RPS6KC1: variants seen among roughly 807,000 people sequenced by gnomAD.
RPS6KC1 encodes ribosomal protein S6 kinase C1.
In RPS6KC1, 54 loss-of-function variants were observed where a neutral mutation model predicts 103.8. The observed-to-expected ratio is 0.52, with a 90% CI of 0.42 to 0.65. The LOEUF is 0.65. Among genes scored for constraint, RPS6KC1 ranks in the 30% least tolerant of loss-of-function variants. RPS6KC1 has a pLI of 0.00. For missense variants in RPS6KC1, 1,151 were observed against 1,253.8 expected (o/e 0.92, Z 1.24); for synonymous variants, 439 against 438.7 (o/e 1.00, Z -0.01).
At chr1:213,815,421 C>T in the RPS6KC1 span, among the ~76,000 whole-genome samples, 7 of 152,052 alleles carry the variant, frequency 4.6e-5, no homozygotes, top group Admixed American at 2.6e-4. Flanking sequence ...AGTTATGCAC[C>T]CCAAGTTGTA....
At chr1:213,599,517 A>G in the RPS6KC1 span, among the ~76,000 whole-genome samples, 1 of 151,940 alleles carries the variant, frequency 6.6e-6, no homozygotes, top group African/African-American at 2.4e-5. Flanking sequence ...CATATTTCCA[A>G]ACAGTGGGGG....
chr1:213,581,552 G>A, the RPS6KC1 span, among the ~76,000 whole-genome samples: 1 of 152,066 alleles, frequency 6.6e-6, no homozygotes, highest in Non-Finnish European at 1.5e-5. Context: ...AGCTGCAGTT[G>A]TTACCCATTG....
chr1:213,287,878 ATAAT>A, the RPS6KC1 span, among the ~76,000 whole-genome samples: 3 of 152,346 alleles, frequency 2.0e-5, no homozygotes, highest in African/African-American at 2.4e-5. Flanking sequence ...TTGATTGACC[ATAAT>A]TAATTAGATT....
chr1:213,543,539 G>A, the RPS6KC1 span, among the ~76,000 whole-genome samples: 1 of 152,120 alleles, frequency 6.6e-6, no homozygotes, highest in Non-Finnish European at 1.5e-5. Context: ...GGGGTTAGGA[G>A]GATCCTTAGA....
chr1:213,852,716 C>T, the RPS6KC1 span, among the ~76,000 whole-genome samples: 4 of 152,164 alleles, frequency 2.6e-5, no homozygotes, highest in Non-Finnish European at 5.9e-5. Context: ...ATAATCGTAG[C>T]TCCCAATGAA....
chr1:213,242,132 T>G lies in RPS6KC1; in HGVS notation c.2656T>G (p.Phe886Val). The change falls in exon 11 of 15, where the codon TTT becomes GTT. Residue 886 changes from phenylalanine (F) to valine (V), a missense_variant. Transcript: ENST00000366960. ...LEGDKEIHQI[F>V]EDLDKKLALA... ...AGGAGACAAGGAAATACATCAGATT[T>G]TTGAGGACCTTGATAAAAAATTAGC... 1 of 1,613,740 alleles carries G rather than the reference T, an allele frequency of 6.2e-7. No homozygotes were observed. Among genetic ancestry groups the G allele is most frequent in the Non-Finnish European group, 8.5e-7 (1 of 1,179,778 alleles).
Position 213,129,610 on chromosome 1 carries a change from C to G in RPS6KC1, c.556C>G (p.Gln186Glu). ...GTTAGATGATGGAATGGCTTCCAAT[C>G]AAAATTCTCCCATTAGAACTTTTGG... Reference protein sequence around the residue: ...AELDDGMASNQNSPIRTFGLN... With the variant: ...AELDDGMASNENSPIRTFGLN... Residue 186 changes from glutamine (Q) to glutamate (E), a missense_variant, in exon 6 of 15, where the codon CAA becomes GAA. Physicochemically the swap from Gln to Glu is conservative, Grantham distance 29 (BLOSUM62 2). Around this residue, in one of 3 missense-constraint regions of RPS6KC1, gnomAD observed 959 missense variants for 1,006.3 expected, o/e 0.95. Coordinates refer to ENST00000366960, the MANE Select transcript of RPS6KC1 (RefSeq NM_012424.6). 1 of 1,613,960 alleles carries G rather than the reference C, an allele frequency of 6.2e-7. No individual in the cohort carries two copies.
the RPS6KC1 span, among the ~76,000 whole-genome samples, chr1:213,579,869 T>C: frequency 6.6e-6 from 1 of 152,084 alleles, no homozygotes; most frequent in Non-Finnish European, 1.5e-5. Flanking sequence ...CTGCTGAGAA[T>C]AAAAGATACC....
intron 6 of RPS6KC1, among the ~76,000 whole-genome samples, chr1:213,162,108 C>T (rs2090528168): frequency 6.6e-6 from 1 of 152,088 alleles, no homozygotes; most frequent in Non-Finnish European, 1.5e-5. Flanking sequence ...TTGGCTCTTT[C>T]TTTTTCGTTT....
At chr1:213,755,574 C>T in the RPS6KC1 span, among the ~76,000 whole-genome samples, 1 of 152,210 alleles carries the variant, frequency 6.6e-6, no homozygotes, top group East Asian at 1.9e-4. Flanking sequence ...TGCACTTTCA[C>T]TGGTCTCTGT....
At chr1:213,116,576 T>C (rs1435501471) in intron 4 of RPS6KC1, among the ~76,000 whole-genome samples, 3 of 149,356 alleles carry the variant, frequency 2.0e-5, no homozygotes, top group Non-Finnish European at 4.4e-5. Flanking sequence ...TTGTTATGTG[T>C]GAATTTGATC....
the RPS6KC1 span, among the ~76,000 whole-genome samples, chr1:213,489,574 T>C: frequency 6.6e-6 from 1 of 152,318 alleles, no homozygotes; most frequent in Admixed American, 6.5e-5. Flanking sequence ...ATCCTCACTT[T>C]GGAGGAGCTC....
chr1:213,338,680 T>TTGAATC, the RPS6KC1 span, among the ~76,000 whole-genome samples: 3 of 152,324 alleles, frequency 2.0e-5, no homozygotes, highest in Admixed American at 6.5e-5. Flanking sequence ...TTCTCAGTCC[T>TTGAATC]TGAATCTGGG....
intron 4 of RPS6KC1, among the ~76,000 whole-genome samples, chr1:213,105,970 A>G (rs1572558464): frequency 6.6e-6 from 1 of 152,374 alleles, no homozygotes; most frequent in Non-Finnish European, 1.5e-5. Flanking sequence ...GTCCTATTAA[A>G]TACTTTAAAC....
chr1:213,060,753 G>GA (rs2077759737), intron 1 of RPS6KC1, among the ~76,000 whole-genome samples: 1 of 152,136 alleles, frequency 6.6e-6, no homozygotes, highest in South Asian at 2.1e-4. Flanking sequence ...TTTGAGGTGA[G>GA]AAAAATAACT....
the RPS6KC1 span, among the ~76,000 whole-genome samples, chr1:213,829,734 C>T: frequency 1.3e-5 from 2 of 152,134 alleles, no homozygotes; most frequent in Non-Finnish European, 2.9e-5. Context: ...ACAATTCTTA[C>T]TGGAATAGGA....
At chr1:213,647,223 A>G in the RPS6KC1 span, among the ~76,000 whole-genome samples, 1 of 152,038 alleles carries the variant, frequency 6.6e-6, no homozygotes, top group Admixed American at 6.6e-5. Context: ...CATCCATAAT[A>G]TTTTTGAATC....
At chr1:213,463,442 G>C in the RPS6KC1 span, among the ~76,000 whole-genome samples, 2 of 152,150 alleles carry the variant, frequency 1.3e-5, no homozygotes, top group Non-Finnish European at 2.9e-5. Context: ...CTCATGTACA[G>C]TTTTAAGAAA....
the RPS6KC1 span, among the ~76,000 whole-genome samples, chr1:213,764,069 A>G: frequency 1.3e-5 from 2 of 152,206 alleles, no homozygotes; most frequent in South Asian, 2.1e-4. Flanking sequence ...CAGATTGTCA[A>G]ATGTGTCCCC....
Sources: allele counts gnomAD v4.1 joint callset (sites outside exome capture counted in the v4.1 genomes callset), GRCh38; gene constraint gnomAD v4.1.1; regional missense constraint gnomAD v4.1.1; transcripts MANE v1.5; gene names NCBI Gene and HGNC (gene_info 2026-07-23, HGNC 2026-07-21).